The following JARID2 variants were observed in gnomAD, a reference collection of about 807,000 sequenced individuals.
JARID2 encodes the protein jumonji and AT-rich interaction domain containing 2.
JARID2 carries 21 observed loss-of-function variants against 125.6 expected under a neutral mutation model. That is an observed-to-expected ratio of 0.17 (90% CI 0.12 to 0.24). The LOEUF (loss-of-function observed/expected upper bound fraction) is 0.24, where lower values mean the gene tolerates loss of function less well. Among genes scored for constraint, JARID2 ranks in the 10% least tolerant of loss-of-function variants. The pLI is 1.00. For synonymous variants in JARID2, 736 were observed against 661.6 expected (o/e 1.11, Z -1.73); for missense variants, 1,303 against 1,639.6 (o/e 0.79, Z 3.55).
At chr6:15,370,593 G>C (rs1363044383) in intron 1 of JARID2, among the ~76,000 whole-genome samples, 1 of 151,680 alleles carries the variant, frequency 6.6e-6, no homozygotes, top group Non-Finnish European at 1.5e-5. Context: ...TGCCTGCCTC[G>C]GTCTCCCAAA....
chr6:15,382,961 G>A (rs182941474), intron 2 of JARID2, among the ~76,000 whole-genome samples: 49 of 152,274 alleles, frequency 3.2e-4, no homozygotes, highest in Admixed American at 1.7e-3. Flanking sequence ...CAGCACTCAG[G>A]TAGTGTCACC....
intron 1 of JARID2, among the ~76,000 whole-genome samples, chr6:15,342,562 G>A (rs1388581035): frequency 6.6e-6 from 1 of 152,196 alleles, no homozygotes; most frequent in Non-Finnish European, 1.5e-5. Context: ...TAACAAAGTA[G>A]TGAGCTTAGT....
intron 2 of JARID2, among the ~76,000 whole-genome samples, chr6:15,406,364 G>T (rs1304155642): frequency 6.6e-6 from 1 of 152,220 alleles, no homozygotes; most frequent in Admixed American, 6.5e-5. Context: ...AACCTGGGAG[G>T]CGGAGGTTGC....
At chr6:15,358,330 T>C (rs923319326) in intron 1 of JARID2, among the ~76,000 whole-genome samples, 48 of 152,256 alleles carry the variant, frequency 3.2e-4, no homozygotes, top group Non-Finnish European at 1.5e-5. Context: ...TGATGAGATA[T>C]ATTGAATCAA....
chr6:15,422,421 C>G (rs1481239901), intron 3 of JARID2, among the ~76,000 whole-genome samples: 10 of 152,120 alleles, frequency 6.6e-5, no homozygotes, highest in Admixed American at 6.5e-4. Flanking sequence ...CAAGGTGAAC[C>G]TGAGTTCCTG....
At chr6:15,449,707 C>CCT (rs1767830462) in intron 3 of JARID2, among the ~76,000 whole-genome samples, 1 of 151,964 alleles carries the variant, frequency 6.6e-6, no homozygotes, top group African/African-American at 2.4e-5. Context: ...CTCTGAATGA[C>CCT]CTACATTGTT....
At chr6:15,477,498 G>A (rs2127697826) in intron 5 of JARID2, among the ~76,000 whole-genome samples, 1 of 108,508 alleles carries the variant, frequency 9.2e-6, no homozygotes, top group Non-Finnish European at 1.7e-5. Flanking sequence ...TGGGATGGGA[G>A]TGTTGGTTTT....
chr6:15,394,388 G>A (rs370840454), intron 2 of JARID2, among the ~76,000 whole-genome samples: 14 of 152,074 alleles, frequency 9.2e-5, no homozygotes, highest in African/African-American at 3.1e-4. Context: ...GGGGTGCCTC[G>A]GGAGGATCGC....
chr6:15,455,742 G>T (rs1768140129), intron 4 of JARID2, among the ~76,000 whole-genome samples: 1 of 152,114 alleles, frequency 6.6e-6, no homozygotes, highest in Non-Finnish European at 1.5e-5. Context: ...ATGTTAGGCT[G>T]ATCTCGAACT....
At chr6:15,307,581 C>T (rs557153995) in intron 1 of JARID2, among the ~76,000 whole-genome samples, 43 of 152,178 alleles carry the variant, frequency 2.8e-4, no homozygotes, top group Middle Eastern at 3.4e-3. Context: ...TCTTTGTTTT[C>T]GGGATGGGGT....
rs368563418 is a variant in JARID2, at chr6:15,457,212, C to T, written c.493+5037C>T. ...TGAATGTCTCATAATTTATCTAATT[C>T]CTGATGCACATTTAGAGAGATTTCC... On this transcript the variant is annotated intron_variant, in intron 4 of 17. Coordinates refer to ENST00000341776, the MANE Select transcript of JARID2 (RefSeq NM_004973.4). Among the ~76,000 whole-genome samples, 35 of 152,244 alleles carry T rather than the reference C, an allele frequency of 2.3e-4. 1 individual carries two copies. The highest frequency in any genetic ancestry group is 6.2e-4 in the South Asian group (3 of 4,816).
At chr6:15,258,236 G>A (rs908988956) in intron 1 of JARID2, among the ~76,000 whole-genome samples, 8 of 152,158 alleles carry the variant, frequency 5.3e-5, no homozygotes, top group Non-Finnish European at 8.8e-5. Context: ...TTGAAAATAC[G>A]ACATTGCCCT....
chr6:15,379,023 G>C (rs932792487), intron 2 of JARID2, among the ~76,000 whole-genome samples: 1 of 152,174 alleles, frequency 6.6e-6, no homozygotes, highest in Non-Finnish European at 1.5e-5. Flanking sequence ...TCTGAGCAGT[G>C]AGCTCAGCTG....
chr6:15,316,615 A>C (rs1300790501), intron 1 of JARID2, among the ~76,000 whole-genome samples: 1 of 151,988 alleles, frequency 6.6e-6, no homozygotes, highest in African/African-American at 2.4e-5. Context: ...GCTCACTGCA[A>C]CCTCTGCCTC....
At chr6:15,302,819 C>G (rs1761680380) in intron 1 of JARID2, among the ~76,000 whole-genome samples, 1 of 152,122 alleles carries the variant, frequency 6.6e-6, no homozygotes, top group African/African-American at 2.4e-5. Flanking sequence ...ACTGCAACCT[C>G]CGCCTCCTGG....
At chr6:15,262,861 C>T (rs566200594) in intron 1 of JARID2, among the ~76,000 whole-genome samples, 2 of 152,090 alleles carry the variant, frequency 1.3e-5, no homozygotes, top group Non-Finnish European at 2.9e-5. Context: ...CTGCGGTGAA[C>T]GTTTGTGTGG....
At chr6:15,257,754 G>C (rs1389638013) in intron 1 of JARID2, among the ~76,000 whole-genome samples, 2 of 152,150 alleles carry the variant, frequency 1.3e-5, no homozygotes, top group Non-Finnish European at 2.9e-5. Flanking sequence ...GGGTTGGTTG[G>C]TTTGTTGGCT....
intron 17 of JARID2, among the ~76,000 whole-genome samples, chr6:15,519,507 G>A (rs1157518724): frequency 2.0e-5 from 3 of 152,098 alleles, no homozygotes; most frequent in South Asian, 2.1e-4. Context: ...TAAGATGCAC[G>A]TTTGCTACTC....
intron 5 of JARID2, among the ~76,000 whole-genome samples, chr6:15,473,737 G>A (rs1769207432): frequency 6.6e-6 from 1 of 152,176 alleles, no homozygotes; most frequent in South Asian, 2.1e-4. Flanking sequence ...GCCACTACCT[G>A]GGATATAGGT....
Sources: gnomAD v4.1 joint callset for allele counts (sites outside exome capture counted in the v4.1 genomes callset) on GRCh38, gnomAD v4.1.1 for gene constraint, MANE v1.5 for transcripts, NCBI Gene and HGNC (gene_info 2026-07-23, HGNC 2026-07-21) for gene names.